The following AMDHD1 variants were observed in gnomAD, a reference collection of about 807,000 sequenced individuals.
The protein encoded by AMDHD1 is amidohydrolase domain containing 1.
In AMDHD1, 45 loss-of-function variants were observed where a neutral mutation model predicts 44.1. The observed-to-expected ratio is 1.02, with a 90% CI of 0.80 to 1.31. The LOEUF is 1.31. Among genes scored for constraint, AMDHD1 ranks in the 50% most tolerant of loss-of-function variants. The pLI is 0.00. For synonymous variants in AMDHD1, 206 were observed against 205.0 expected (o/e 1.00, Z -0.04); for missense variants, 586 against 552.1 (o/e 1.06, Z -0.61).
chr12:95,957,824 A>G (rs1178355128), intron 4 of AMDHD1, among the ~76,000 whole-genome samples: 1 of 152,166 alleles, frequency 6.6e-6, no homozygotes, highest in African/African-American at 2.4e-5. Flanking sequence ...AGGCCAAGGC[A>G]GGTGGATCGC....
At position 95,966,466 on chromosome 12, in the gene AMDHD1, A is replaced by T; in HGVS notation, c.1151A>T (p.Glu384Val). 7 of 1,614,244 alleles carry T rather than the reference A, an allele frequency of 4.3e-6. No individual in the cohort carries two copies. Among genetic ancestry groups the T allele is most frequent in the Non-Finnish European group, 5.9e-6 (7 of 1,180,044 alleles). ...LGKSHTHGSL[E>V]VGKQGDLIII... is the part of the protein sequence containing the mutation. ...AAGTCTCACACACACGGATCGTTGG[A>T]AGTTGGCAAACAGGGAGATCTCATT... The change falls in exon 8 of 9, where the codon GAA (glutamate) becomes GTA (valine). Residue 384 changes from glutamate (E) to valine (V), a missense_variant. Transcript: ENST00000266736.
chr12:95,954,224 T>A (rs774432817), intron 2 of AMDHD1, among the ~76,000 whole-genome samples: 4 of 152,194 alleles, frequency 2.6e-5, no homozygotes, highest in Non-Finnish European at 5.9e-5. Context: ...AGATTATTCC[T>A]TGTGATAAGG....
intron 3 of AMDHD1, among the ~76,000 whole-genome samples, chr12:95,955,709 G>T (rs942742959): frequency 2.0e-5 from 3 of 152,158 alleles, no homozygotes; most frequent in African/African-American, 7.2e-5. Context: ...CTAGAGAAGG[G>T]AAGAGTGTTG....
At chr12:95,951,032 G>A (rs1047530081) in intron 1 of AMDHD1, among the ~76,000 whole-genome samples, 2 of 152,010 alleles carry the variant, frequency 1.3e-5, no homozygotes, top group African/African-American at 4.8e-5. Flanking sequence ...ATTATATCAG[G>A]GTAAATGGGG....
At chr12:95,945,155 T>C (rs2136756443) in intron 1 of AMDHD1, among the ~76,000 whole-genome samples, 1 of 151,962 alleles carries the variant, frequency 6.6e-6, no homozygotes, top group East Asian at 1.9e-4. Flanking sequence ...AATAAATACA[T>C]AAATAAAATG....
chr12:95,967,524 T>C lies in AMDHD1; in HGVS notation c.1194-232T>C, dbSNP rs79808053. On this transcript the variant is annotated intron_variant, in intron 8 of 8. Transcript: ENST00000266736. ...TGCTGATGGTGACATTTATGTATCA[T>C]TTAATGAAGCAAATATTTTAAGATC... 5.0e-3 allele frequency among the ~76,000 whole-genome samples: 764 copies of C among 152,338 alleles called. 4 individuals carry two copies. The highest frequency in any genetic ancestry group is 0.02 in the Middle Eastern group (6 of 294).
In AMDHD1 at chr12:95,962,456, G is replaced by GCC. The variant is rs1321091095; in HGVS notation, c.917_918dup (p.Thr307ProfsTer7). 1.2e-6 allele frequency: 2 copies of GCC among 1,612,510 alleles called. No individual in the cohort carries two copies. Among genetic ancestry groups the GCC allele is most frequent in the Non-Finnish European group, 1.7e-6 (2 of 1,179,518 alleles). ...CGGCCAGGTGCTCTGCCATCCTTCT[G>GCC]CCCACCACAGCCTACATGCTGAGGT... On this transcript the variant is annotated frameshift_variant, in exon 6 of 9. Transcript: ENST00000266736. LOFTEE classifies it high-confidence loss of function.
intron 1 of AMDHD1, among the ~76,000 whole-genome samples, chr12:95,946,061 C>CTCTGTGTG (rs1403742643): frequency 4.7e-4 from 57 of 122,576 alleles, no homozygotes; most frequent in African/African-American, 1.5e-3. Context: ...CTCTTTCTCT[C>CTCTGTGTG]TGTGTGTGTG....
chr12:95,956,666 A>T lies in AMDHD1; in HGVS notation c.310-19A>T. 1 of 1,611,728 alleles carries T rather than the reference A, an allele frequency of 6.2e-7. No individual in the cohort carries two copies. Among genetic ancestry groups the T allele is most frequent in the Non-Finnish European group, 8.5e-7 (1 of 1,178,052 alleles). ...AACTTCCTGGCATGTGCTGGCCTAA[A>T]GGTGAGGCGTGTGTTCAGTTGGCAG... is the stretch of plus-strand genomic sequence containing the variant. On this transcript the variant is annotated intron_variant, in intron 3 of 8. Coordinates refer to ENST00000266736, the MANE Select transcript of AMDHD1 (RefSeq NM_152435.3).
Position 95,956,708 on chromosome 12 carries a change from A to C in AMDHD1, c.333A>C (p.Glu111Asp). 6.2e-7 allele frequency: 1 copy of C among 1,614,088 alleles called. No individual in the cohort carries two copies. The highest frequency in any genetic ancestry group is 8.5e-7 in the Non-Finnish European group (1 of 1,179,946). Residue 111 changes from glutamate to aspartate, a missense_variant, in exon 4 of 9, where the codon GAA (glutamate) becomes GAC (aspartate). By Grantham distance (45) the Glu-to-Asp change is conservative (BLOSUM62 2). Coordinates refer to ENST00000266736, the MANE Select transcript of AMDHD1 (RefSeq NM_152435.3). The stretch of plus-strand genomic sequence containing the variant: ...AGTTGGCAGGAGCCACCTACATGGA[A>C]ATTCACCAGGCCGGAGGAGGGATCC... ...AMKLAGATYM[E>D]IHQAGGGIHF...
At chr12:95,956,140 G>A (rs375316098) in intron 3 of AMDHD1, among the ~76,000 whole-genome samples, 5 of 152,068 alleles carry the variant, frequency 3.3e-5, no homozygotes, top group African/African-American at 7.2e-5. Flanking sequence ...ATAGAGTCTC[G>A]CTCTGTCACC....
At chr12:95,967,730 TTTG>T in intron 8 of AMDHD1, 23 bp from the exon 9 acceptor site, 2 of 1,434,650 alleles carry the variant, frequency 1.4e-6, no homozygotes. Context: ...TGAAGTAATA[TTTG>T]TTGTTTTTTT....
chr12:95,955,740 G>A (rs898622276), intron 3 of AMDHD1, among the ~76,000 whole-genome samples: 5 of 152,206 alleles, frequency 3.3e-5, no homozygotes, highest in Admixed American at 2.6e-4. Flanking sequence ...CCAGCTGGAG[G>A]ATGGCAGAAC....
chr12:95,949,140 T>TAAA (rs1170844527), intron 1 of AMDHD1, among the ~76,000 whole-genome samples: 18 of 4,452 alleles, frequency 4.0e-3, no homozygotes, highest in Non-Finnish European at 5.4e-3. Flanking sequence ...AAAAATAAAT[T>TAAA]AAAAAAAAAA....
intron 4 of AMDHD1, 151 bp downstream of exon 4, chr12:95,957,113 C>A: frequency 9.3e-7 from 1 of 1,080,862 alleles, no homozygotes; most frequent in Non-Finnish European, 1.3e-6. Flanking sequence ...CCCGCAGACT[C>A]GGTTTTAGGA....
Position 95,956,728 on chromosome 12 carries a change from G to A in AMDHD1, c.353G>A (p.Gly118Glu). ...ATGGAAATTCACCAGGCCGGAGGAG[G>A]GATCCACTTTACCGTGGAGCGCACG... is the stretch of plus-strand genomic sequence containing the variant. ...TYMEIHQAGG[G>E]IHFTVERTRQ... Residue 118 changes from glycine (G) to glutamate (E), a missense_variant, in exon 4 of 9, where the codon GGG becomes GAG. Coordinates refer to ENST00000266736, the MANE Select transcript of AMDHD1 (RefSeq NM_152435.3). The A allele has an allele frequency of 1.2e-6, 2 of 1,614,228 alleles. No homozygotes were observed. The highest frequency in any genetic ancestry group is 1.7e-6 in the Non-Finnish European group (2 of 1,180,044).
chr12:95,952,656 C>A (rs1246628541), intron 1 of AMDHD1, 61 bp from the exon 2 acceptor site: 6 of 1,025,970 alleles, frequency 5.8e-6, no homozygotes, highest in Non-Finnish European at 9.1e-6. Flanking sequence ...TTTTAAGTCA[C>A]TCATCAGATT....
In AMDHD1 at chr12:95,954,892, C is replaced by A. The variant is rs771379320; in HGVS notation, c.245-19C>A. The A allele has an allele frequency of 1.2e-6, 2 of 1,613,230 alleles. No individual in the cohort carries two copies. Among genetic ancestry groups the A allele is most frequent in the Non-Finnish European group, 1.7e-6 (2 of 1,179,266 alleles). ...TCTCTATTTCTTAATTGTAAGATAA[C>A]TTGATTTATTGATTATAGGTTTGGT... On this transcript the variant is annotated intron_variant, in intron 2 of 8. Coordinates refer to ENST00000266736, the MANE Select transcript of AMDHD1 (RefSeq NM_152435.3).
intron 6 of AMDHD1, 44 bp downstream of exon 6, chr12:95,962,523 C>A: frequency 6.4e-7 from 1 of 1,564,662 alleles, no homozygotes; most frequent in Non-Finnish European, 8.7e-7. Flanking sequence ...CAAGTACAAG[C>A]TGTGAAGACA....
Sources: allele counts gnomAD v4.1 joint callset (sites outside exome capture counted in the v4.1 genomes callset), GRCh38; gene constraint gnomAD v4.1.1; transcripts MANE v1.5; gene names NCBI Gene and HGNC (gene_info 2026-07-23, HGNC 2026-07-21).